NRCAM: variants seen among roughly 807,000 people sequenced by gnomAD.
NRCAM encodes the protein NgCAM-related cell adhesion molecule.
Under a neutral mutation model 156.5 loss-of-function variants are expected in NRCAM, and 83 were observed. That is an observed-to-expected ratio of 0.53 (90% CI 0.44 to 0.64). The LOEUF (loss-of-function observed/expected upper bound fraction) is 0.64, where lower values mean the gene tolerates loss of function less well. Among genes scored for constraint, NRCAM ranks in the 30% least tolerant of loss-of-function variants. The pLI, the probability that NRCAM is intolerant of heterozygous loss-of-function variation, is 0.00. For synonymous variants in NRCAM, 538 were observed against 563.9 expected (o/e 0.95, Z 0.65); for missense variants, 1,417 against 1,597.3 (o/e 0.89, Z 1.92).
At position 108,192,102 on chromosome 7, in the gene NRCAM, C is replaced by T. The variant is rs187881690; in HGVS notation, c.1779-249G>A. ...ATTTTTCAACCAGGCCTCTAGAGCACGGGTCCCCAAACCCTGGGCCAAGAA... is the reference window on the plus strand; with the variant it reads ...ATTTTTCAACCAGGCCTCTAGAGCATGGGTCCCCAAACCCTGGGCCAAGAA... On this transcript the variant is annotated intron_variant, in intron 17 of 32. Transcript: ENST00000379028. Among the ~76,000 whole-genome samples, 336 of 152,290 alleles carry T rather than the reference C, an allele frequency of 2.2e-3. 3 individuals are homozygous for T. Among genetic ancestry groups the T allele is most frequent in the African/African-American group, 7.7e-3 (319 of 41,550 alleles).
intron 3 of NRCAM, among the ~76,000 whole-genome samples, chr7:108,241,245 C>G (rs1233940147): frequency 6.6e-6 from 1 of 152,198 alleles, no homozygotes; most frequent in Non-Finnish European, 1.5e-5. Context: ...AGGACTGTCT[C>G]TCTCATCTTT....
In NRCAM at chr7:108,354,569, T is replaced by C. The variant is rs528094066; in HGVS notation, c.-173-41838A>G. On this transcript the variant is annotated intron_variant, in intron 2 of 32. Transcript: ENST00000379028. The stretch of plus-strand genomic sequence containing the variant: ...CATATAGATAGAATTCATAGAGATT[T>C]AGCAATTATGCTGGATAAGAACAAC... Among the ~76,000 whole-genome samples, 10 of 152,342 alleles carry C rather than the reference T, an allele frequency of 6.6e-5. No homozygotes were observed. The East Asian group carries it at 1.9e-3, about 29-fold the overall frequency.
chr7:108,192,474 C>G (rs1466959820), intron 17 of NRCAM, among the ~76,000 whole-genome samples: 1 of 152,020 alleles, frequency 6.6e-6, no homozygotes, highest in Non-Finnish European at 1.5e-5. Context: ...CATCCTGAAG[C>G]CATTGTGCCC....
chr7:108,386,506 G>A (rs558365977), intron 2 of NRCAM, among the ~76,000 whole-genome samples: 6 of 152,212 alleles, frequency 3.9e-5, no homozygotes, highest in African/African-American at 1.4e-4. Context: ...TTTTAACAAT[G>A]TCATCACAAG....
chr7:108,252,852 G>A (rs951162147), intron 3 of NRCAM, among the ~76,000 whole-genome samples: 8 of 152,198 alleles, frequency 5.3e-5, no homozygotes, highest in African/African-American at 7.2e-5. Context: ...ACATTTCTGC[G>A]AAAATTTTGC....
At chr7:108,424,215 G>T (rs1814064655) in intron 1 of NRCAM, among the ~76,000 whole-genome samples, 1 of 152,210 alleles carries the variant, frequency 6.6e-6, no homozygotes, top group African/African-American at 2.4e-5. Flanking sequence ...TTTCCTACCA[G>T]GAGTGGGGCA....
intron 3 of NRCAM, among the ~76,000 whole-genome samples, chr7:108,287,651 AAC>A (rs869186891): frequency 3.4e-5 from 4 of 116,736 alleles, no homozygotes; most frequent in South Asian, 2.7e-4. Flanking sequence ...TGTCACCAAT[AAC>A]ACATGAGATA....
At chr7:108,398,332 A>T (rs1345077961) in intron 2 of NRCAM, among the ~76,000 whole-genome samples, 3 of 151,940 alleles carry the variant, frequency 2.0e-5, no homozygotes, top group Admixed American at 2.0e-4. Flanking sequence ...AGCTCTTTCA[A>T]ATTCCCCTTT....
chr7:108,327,349 T>C (rs1041993174), intron 2 of NRCAM, among the ~76,000 whole-genome samples: 1 of 152,216 alleles, frequency 6.6e-6, no homozygotes, highest in Non-Finnish European at 1.5e-5. Flanking sequence ...AAGCACTATA[T>C]ACAAACATAA....
intron 21 of NRCAM, 34 bp downstream of exon 21, chr7:108,184,383 T>C: frequency 6.2e-7 from 1 of 1,613,792 alleles, no homozygotes; most frequent in Non-Finnish European, 8.5e-7. Flanking sequence ...TTTATTATAT[T>C]TCGTACCCTA....
At chr7:108,153,293 A>T (rs1338598732) in intron 32 of NRCAM, among the ~76,000 whole-genome samples, 3 of 152,170 alleles carry the variant, frequency 2.0e-5, no homozygotes, top group Non-Finnish European at 4.4e-5. Context: ...TTATTTTAGC[A>T]TTAAAACATC....
At chr7:108,214,794 T>C (rs186039821) in intron 11 of NRCAM, among the ~76,000 whole-genome samples, 178 of 152,334 alleles carry the variant, frequency 1.2e-3, no homozygotes, top group African/African-American at 4.1e-3. Flanking sequence ...TCCTGGTACA[T>C]TGTGTCTTTG....
chr7:108,243,632 T>C (rs944174503), intron 3 of NRCAM, among the ~76,000 whole-genome samples: 1 of 152,178 alleles, frequency 6.6e-6, no homozygotes, highest in Non-Finnish European at 1.5e-5. Context: ...GCTTACAATG[T>C]ACAAAAAATA....
chr7:108,382,166 T>G (rs2154359766), intron 2 of NRCAM, among the ~76,000 whole-genome samples: 1 of 152,138 alleles, frequency 6.6e-6, no homozygotes, highest in East Asian at 1.9e-4. Context: ...TCACAGAAGA[T>G]CTGCATCAGT....
chr7:108,308,254 G>C (rs1311713146), intron 3 of NRCAM, among the ~76,000 whole-genome samples: 1 of 152,178 alleles, frequency 6.6e-6, no homozygotes, highest in South Asian at 2.1e-4. Flanking sequence ...GGTCATTTTG[G>C]TGAACCTCAA....
chr7:108,166,098 T>C (rs2053940302), intron 30 of NRCAM, among the ~76,000 whole-genome samples: 1 of 151,626 alleles, frequency 6.6e-6, no homozygotes, highest in African/African-American at 2.4e-5. Context: ...GCAGTAAAAT[T>C]TGGTGTGATA....
intron 3 of NRCAM, among the ~76,000 whole-genome samples, chr7:108,299,105 C>CAAAA (rs1292917918): frequency 3.0e-4 from 5 of 16,940 alleles, no homozygotes; most frequent in African/African-American, 1.8e-4. Context: ...GACTCCATCT[C>CAAAA]AAAAAAAAAA....
chr7:108,292,611 GAACCA>G (rs1263588232), intron 3 of NRCAM, among the ~76,000 whole-genome samples: 1 of 152,156 alleles, frequency 6.6e-6, no homozygotes, highest in African/African-American at 2.4e-5. Flanking sequence ...ATACACACTG[GAACCA>G]GTCTGACCTT....
rs115214242 is a variant in NRCAM, at chr7:108,422,099, C to T, written c.-331-22506G>A. 1.8e-3 allele frequency among the ~76,000 whole-genome samples: 270 copies of T among 152,312 alleles called. 2 individuals are homozygous for T. Among genetic ancestry groups the T allele is most frequent in the African/African-American group, 6.2e-3 (256 of 41,570 alleles). On this transcript the variant is annotated intron_variant, in intron 1 of 32. Transcript: ENST00000379028. ...ATAACACCTCCTCCAAGAGCCACTT[C>T]ACGAGTTCTTAGGTCAGAGTATGCT...
Sources: allele counts gnomAD v4.1 joint callset (sites outside exome capture counted in the v4.1 genomes callset), GRCh38; gene constraint gnomAD v4.1.1; transcripts MANE v1.5; gene names NCBI Gene and HGNC (gene_info 2026-07-23, HGNC 2026-07-21).